SYNPO2: variants seen among roughly 807,000 people sequenced by gnomAD.
The protein encoded by SYNPO2 is synaptopodin 2.
Under a neutral mutation model 85.0 loss-of-function variants are expected in SYNPO2, and 56 were observed. The observed-to-expected ratio is 0.66, with a 90% CI of 0.53 to 0.82. The LOEUF is 0.82. Among genes scored for constraint, SYNPO2 ranks in the 40% least tolerant of loss-of-function variants. The pLI is 0.00. For missense variants in SYNPO2, 1,575 were observed against 1,534.2 expected, an observed-to-expected ratio of 1.03 and a Z score of -0.44; for synonymous variants, 602 against 591.1, an observed-to-expected ratio of 1.02 and a Z score of -0.27.
chr4:118,859,929 T>C (rs889762959), intron 1 of SYNPO2, among the ~76,000 whole-genome samples: 6 of 152,174 alleles, frequency 3.9e-5, no homozygotes, highest in African/African-American at 1.4e-4. Context: ...TTTGGATGTA[T>C]ACCTAGGAGT....
intron 1 of SYNPO2, among the ~76,000 whole-genome samples, chr4:118,959,207 A>T (rs368106931): frequency 1.4e-3 from 220 of 152,334 alleles, no homozygotes; most frequent in African/African-American, 5.0e-3. Context: ...CATCAAAGGA[A>T]AGCAGGTTCC....
intron 4 of SYNPO2, chr4:119,043,616 A>G (rs1738784166): frequency 6.6e-6 from 1 of 152,194 alleles, no homozygotes; most frequent in Admixed American, 6.5e-5. Context: ...CAAGACAATT[A>G]TACATTGCAG....
chr4:119,021,268 G>A (rs1737710429), intron 1 of SYNPO2, among the ~76,000 whole-genome samples: 1 of 152,100 alleles, frequency 6.6e-6, no homozygotes, highest in African/African-American at 2.4e-5. Flanking sequence ...ACCTCTAGAT[G>A]TAAACTTTAA....
At chr4:119,052,613 G>C (rs1739090092) in intron 4 of SYNPO2, among the ~76,000 whole-genome samples, 1 of 152,206 alleles carries the variant, frequency 6.6e-6, no homozygotes, top group South Asian at 2.1e-4. Context: ...AGAAGAAGTG[G>C]AAGTAGAGTG....
chr4:119,031,121 A>G lies in SYNPO2; in HGVS notation c.2346A>G (p.Pro782=), dbSNP rs1447340153. 6 of 1,613,948 alleles carry G rather than the reference A, an allele frequency of 3.7e-6. No individual in the cohort carries two copies. In the African/African-American group the frequency reaches 8.0e-5, roughly 22 times the overall value. The change falls in exon 4 of 5, where the codon CCA becomes CCG. Residue 782 remains proline, a synonymous_variant. Transcript: ENST00000307142. ...PVTPVSPVWS[P]GVAPTQPPAF... ...CTCCAGTTTCCCCAGTCTGGTCTCC[A>G]GGAGTGGCTCCCACCCAACCTCCTG...
Position 119,031,408 on chromosome 4 carries a change from A to T in SYNPO2, c.2633A>T (p.Lys878Ile), listed in dbSNP as rs1388839740. ...MSGRGAQLFA[K>I]RQSRMEKYVV... The stretch of plus-strand genomic sequence containing the variant: ...GGGAGAGGAGCTCAGCTCTTTGCTA[A>T]AAGGCAGTCGAGAATGGAGAAGTAT... Residue 878 changes from lysine to isoleucine, a missense_variant, in exon 4 of 5, where the codon AAA becomes ATA. Physicochemically the swap from Lys to Ile is moderately radical, Grantham distance 102. Coordinates refer to ENST00000307142, the MANE Select transcript of SYNPO2 (RefSeq NM_133477.3). 3 of 1,614,192 alleles carry T rather than the reference A, an allele frequency of 1.9e-6. No homozygotes were observed. The highest frequency in any genetic ancestry group is 2.5e-6 in the Non-Finnish European group (3 of 1,180,030).
chr4:118,870,784 G>A (rs886437041), intron 1 of SYNPO2, among the ~76,000 whole-genome samples: 1 of 152,210 alleles, frequency 6.6e-6, no homozygotes, highest in African/African-American at 2.4e-5. Context: ...GCTAATGCAT[G>A]CAGGTCTTAA....
chr4:119,007,255 T>TAC (rs1737096087), intron 1 of SYNPO2, among the ~76,000 whole-genome samples: 1 of 43,704 alleles, frequency 2.3e-5, no homozygotes, highest in Non-Finnish European at 4.5e-5. Flanking sequence ...TGTATATACA[T>TAC]ATATATATAT....
At chr4:119,009,518 TCACACACACATA>T (rs562483225) in intron 1 of SYNPO2, among the ~76,000 whole-genome samples, 10 of 152,242 alleles carry the variant, frequency 6.6e-5, no homozygotes, top group East Asian at 5.8e-4. Context: ...TCTGCCTGTT[TCACACACACATA>T]CACACACACA....
chr4:118,981,674 A>G (rs952510163), intron 1 of SYNPO2, among the ~76,000 whole-genome samples: 2 of 152,200 alleles, frequency 1.3e-5, no homozygotes, highest in African/African-American at 2.4e-5. Context: ...AGTTCAACTC[A>G]TAGCCCACCC....
intron 1 of SYNPO2, among the ~76,000 whole-genome samples, chr4:118,899,238 A>T (rs1359320919): frequency 6.6e-6 from 1 of 152,240 alleles, no homozygotes; most frequent in Non-Finnish European, 1.5e-5. Context: ...TATAGTATAT[A>T]TGTACATGTA....
rs376195656 is a variant in SYNPO2, at chr4:119,007,904, T to A, written c.106-15526T>A. 2.6e-5 allele frequency among the ~76,000 whole-genome samples: 4 copies of A among 152,210 alleles called. No individual in the cohort carries two copies. In the South Asian group the frequency reaches 6.2e-4, roughly 24 times the overall value. ...GTGTATATGTGTTAATAGAGGAATA[T>A]ATGAGAATGGATCACACATGTAGAC... is the stretch of plus-strand genomic sequence containing the variant. On this transcript the variant is annotated intron_variant, in intron 1 of 4. Coordinates refer to ENST00000307142, the MANE Select transcript of SYNPO2 (RefSeq NM_133477.3).
chr4:118,938,165 G>A (rs1360433750), intron 1 of SYNPO2, among the ~76,000 whole-genome samples: 1 of 151,872 alleles, frequency 6.6e-6, no homozygotes, highest in Admixed American at 6.6e-5. Flanking sequence ...TTAGCCAGGC[G>A]GTAGGCTGTA....
intron 1 of SYNPO2, among the ~76,000 whole-genome samples, chr4:118,917,831 A>G (rs1035000985): frequency 1.3e-5 from 2 of 152,196 alleles, no homozygotes; most frequent in Non-Finnish European, 2.9e-5. Flanking sequence ...AGACACTGAT[A>G]AAAAAGATTT....
intron 4 of SYNPO2, chr4:119,038,245 C>A (rs1280806674): frequency 1.0e-6 from 1 of 985,204 alleles, no homozygotes; most frequent in African/African-American, 1.7e-5. Context: ...TTGTAGATAG[C>A]TTTGACCACA....
chr4:118,921,160 G>T (rs1733518980), intron 1 of SYNPO2, among the ~76,000 whole-genome samples: 1 of 151,974 alleles, frequency 6.6e-6, no homozygotes, highest in East Asian at 1.9e-4. Context: ...TCCCACCTTG[G>T]GCTCCCAAAG....
In SYNPO2 at chr4:118,876,308, G is replaced by A. The variant is rs79938235; in HGVS notation, c.12+25368G>A. 2.8e-3 allele frequency among the ~76,000 whole-genome samples: 430 copies of A among 152,252 alleles called. 1 individual carries two copies. Among genetic ancestry groups the A allele is most frequent in the Admixed American group, 5.7e-3 (87 of 15,290 alleles). The stretch of plus-strand genomic sequence containing the variant: ...CACTCTTCCTGCTTTTCAAGTAACT[G>A]TCTCCTTGTCAGTTTGTGTCTCAGC... On this transcript the variant is annotated intron_variant, in intron 1 of 4. Transcript: ENST00000610556.
chr4:118,918,798 C>G (rs951838078), intron 1 of SYNPO2, among the ~76,000 whole-genome samples: 8 of 152,048 alleles, frequency 5.3e-5, no homozygotes, highest in Non-Finnish European at 1.2e-4. Flanking sequence ...GCTAGTTTGC[C>G]AGAAGACATG....
upstream of SYNPO2, among the ~76,000 whole-genome samples, chr4:118,886,067 G>T (rs893004101): frequency 6.6e-6 from 1 of 152,134 alleles, no homozygotes; most frequent in Non-Finnish European, 1.5e-5. Context: ...GGCTACAGAG[G>T]CAAGAAGAAA....
Sources: gnomAD v4.1 joint callset for allele counts (sites outside exome capture counted in the v4.1 genomes callset) on GRCh38, gnomAD v4.1.1 for gene constraint, MANE v1.5 for transcripts, NCBI Gene and HGNC (gene_info 2026-07-23, HGNC 2026-07-21) for gene names.